Variants in RPS6KC1 observed in about 807,000 individuals in gnomAD.
RPS6KC1 encodes the protein inactive ribosomal protein S6 kinase delta-1.
RPS6KC1 carries 54 observed loss-of-function variants against 103.8 expected under a neutral mutation model. That is an observed-to-expected ratio of 0.52 (90% confidence interval 0.42 to 0.65). The LOEUF is 0.65. Among genes scored for constraint, RPS6KC1 ranks in the 30% least tolerant of loss-of-function variants. The pLI is 0.00. For missense variants in RPS6KC1, 1,151 were observed against 1,253.8 expected, an observed-to-expected ratio of 0.92 and a Z score of 1.24; for synonymous variants, 439 against 438.7, an observed-to-expected ratio of 1.00 and a Z score of -0.01.
chr1:213,654,322 C>T, the RPS6KC1 span, among the ~76,000 whole-genome samples: 7 of 152,144 alleles, frequency 4.6e-5, no homozygotes, highest in Non-Finnish European at 1.0e-4. Flanking sequence ...TGCTGAGCTG[C>T]AGGCGTTCAA....
At chr1:213,350,482 G>T in the RPS6KC1 span, among the ~76,000 whole-genome samples, 4 of 152,124 alleles carry the variant, frequency 2.6e-5, no homozygotes, top group African/African-American at 9.7e-5. Flanking sequence ...ACAGGTGGGG[G>T]TTTGGGGCAC....
the RPS6KC1 span, among the ~76,000 whole-genome samples, chr1:213,722,460 C>T: frequency 6.6e-6 from 1 of 152,206 alleles, no homozygotes; most frequent in Non-Finnish European, 1.5e-5. Context: ...GGCCTGCCTT[C>T]CCCTCCACTC....
chr1:213,443,685 G>C, the RPS6KC1 span, among the ~76,000 whole-genome samples: 1 of 152,082 alleles, frequency 6.6e-6, no homozygotes, highest in African/African-American at 2.4e-5. Flanking sequence ...GGAGCGTGAG[G>C]TGGGCAGATT....
chr1:213,767,545 CTCTCTGT>C, the RPS6KC1 span, among the ~76,000 whole-genome samples: 1 of 151,734 alleles, frequency 6.6e-6, no homozygotes, highest in African/African-American at 2.4e-5. Context: ...CATTCAGCAG[CTCTCTGT>C]TCAATATCTC....
chr1:213,669,878 C>G, the RPS6KC1 span, among the ~76,000 whole-genome samples: 1 of 151,940 alleles, frequency 6.6e-6, no homozygotes, highest in Non-Finnish European at 1.5e-5. Context: ...AGTCTGAAAC[C>G]CTATAAGGTT....
intron 6 of RPS6KC1, among the ~76,000 whole-genome samples, chr1:213,151,603 A>AC (rs1280960779): frequency 3.6e-5 from 3 of 84,484 alleles, no homozygotes; most frequent in Admixed American, 9.6e-5. Context: ...CGGGGGGCTG[A>AC]CCCCCCCACC....
chr1:213,229,561 A>G (rs1011328700), intron 8 of RPS6KC1, among the ~76,000 whole-genome samples: 18 of 152,224 alleles, frequency 1.2e-4, no homozygotes, highest in Admixed American at 2.0e-4. Context: ...TAAAATATTT[A>G]CAGTCTGGCC....
At chr1:213,077,297 G>C (rs978124293) in intron 2 of RPS6KC1, among the ~76,000 whole-genome samples, 1 of 152,128 alleles carries the variant, frequency 6.6e-6, no homozygotes, top group Non-Finnish European at 1.5e-5. Context: ...CTCATTTGCA[G>C]GCCAATTGTA....
chr1:213,115,936 G>A (rs1333836655), intron 4 of RPS6KC1, among the ~76,000 whole-genome samples: 3 of 152,146 alleles, frequency 2.0e-5, no homozygotes, highest in Non-Finnish European at 2.9e-5. Context: ...TATAATTTCT[G>A]TTCTTTTACA....
the RPS6KC1 span, among the ~76,000 whole-genome samples, chr1:213,364,048 G>GTGAAATGTTTT: frequency 6.6e-6 from 1 of 152,170 alleles, no homozygotes; most frequent in African/African-American, 2.4e-5. Flanking sequence ...GTTTTCAGTA[G>GTGAAATGTTTT]AGGGCTAGAT....
At chr1:213,260,764 A>T (rs2149097399) in intron 12 of RPS6KC1, among the ~76,000 whole-genome samples, 1 of 152,114 alleles carries the variant, frequency 6.6e-6, no homozygotes, top group African/African-American at 2.4e-5. Context: ...CTCAAAAAAA[A>T]AAAAAAAAAA....
rs181527993 is a variant in RPS6KC1 at position 213,265,643 on chromosome 1, C to T, written c.3090+2827C>T. Among the ~76,000 whole-genome samples the T allele has an allele frequency of 1.2e-3, 187 of 152,258 alleles. 5 individuals carry two copies. The highest frequency in any genetic ancestry group is 3.8e-4 in the Non-Finnish European group (26 of 68,002). ...AACAATAGCTTTTCTCTTAACAAAT[C>T]GTAGCAACTACTAATATAAAAATTC... On this transcript the variant is annotated intron_variant, in intron 14 of 14. Coordinates refer to ENST00000366960, the MANE Select transcript of RPS6KC1 (RefSeq NM_012424.6).
rs1357691019 is a variant in RPS6KC1, at chr1:213,051,497, G to A, written c.93G>A (p.Lys31=). 2 of 1,611,920 alleles carry A rather than the reference G, an allele frequency of 1.2e-6. No individual in the cohort carries two copies. Among genetic ancestry groups the A allele is most frequent in the South Asian group, 2.2e-5 (2 of 90,704 alleles). Residue 31 remains lysine, a synonymous_variant, in exon 1 of 15, where the codon AAG becomes AAA. Coordinates refer to ENST00000366960, the MANE Select transcript of RPS6KC1 (RefSeq NM_012424.6). The part of the protein sequence containing the change: ...QRHPRGYTVY[K]VTARVVSRRN... ...ACCCGAGGGGCTACACAGTATATAAGGTCACCGCCCGGGTGAGTGCCGGTG... is the reference window on the plus strand; with the variant it reads ...ACCCGAGGGGCTACACAGTATATAAAGTCACCGCCCGGGTGAGTGCCGGTG...
At chr1:213,102,524 A>G (rs1010959181) in intron 3 of RPS6KC1, among the ~76,000 whole-genome samples, 2 of 152,184 alleles carry the variant, frequency 1.3e-5, no homozygotes, top group African/African-American at 4.8e-5. Context: ...TTTATATGCT[A>G]TTTGCCAGAA....
chr1:213,795,693 G>A, the RPS6KC1 span, among the ~76,000 whole-genome samples: 6 of 151,948 alleles, frequency 3.9e-5, no homozygotes, highest in South Asian at 4.2e-4. Context: ...TCAGACCCTG[G>A]AATAGTAGAG....
the RPS6KC1 span, among the ~76,000 whole-genome samples, chr1:213,747,581 G>T: frequency 6.6e-6 from 1 of 152,174 alleles, no homozygotes; most frequent in Non-Finnish European, 1.5e-5. Flanking sequence ...ATAGCTATAA[G>T]CAATCAACTA....
At chr1:213,345,489 T>G in the RPS6KC1 span, among the ~76,000 whole-genome samples, 6 of 152,276 alleles carry the variant, frequency 3.9e-5, no homozygotes, top group South Asian at 1.2e-3. Flanking sequence ...ATGAAAAAAT[T>G]TACAGATCAT....
intron 3 of RPS6KC1, among the ~76,000 whole-genome samples, chr1:213,092,882 C>G (rs1407606725): frequency 6.6e-6 from 1 of 152,090 alleles, no homozygotes. Context: ...ATTGCACTTT[C>G]TGTACTGTGG....
At chr1:213,599,062 G>T in the RPS6KC1 span, among the ~76,000 whole-genome samples, 2 of 152,062 alleles carry the variant, frequency 1.3e-5, no homozygotes, top group African/African-American at 4.8e-5. Flanking sequence ...TTAGATTATT[G>T]TGATTTCCCA....
Sources: gnomAD v4.1 joint callset for allele counts (sites outside exome capture counted in the v4.1 genomes callset) on GRCh38, gnomAD v4.1.1 for gene constraint, MANE v1.5 for transcripts, NCBI Gene and HGNC (gene_info 2026-07-23, HGNC 2026-07-21) for gene names.